FTO: variants seen among roughly 807,000 people sequenced by gnomAD.
FTO encodes alpha-ketoglutarate-dependent dioxygenase FTO.
In FTO, 47 loss-of-function variants were observed where a neutral mutation model predicts 63.9. That is an observed-to-expected ratio of 0.74 (90% CI 0.58 to 0.94). The LOEUF (loss-of-function observed/expected upper bound fraction) is 0.94. FTO is among the 40% of genes least tolerant of loss of function. The pLI, the probability that FTO is intolerant of heterozygous loss-of-function variation, is 0.00. For missense variants in FTO, 562 were observed against 618.1 expected (o/e 0.91, Z 0.96); for synonymous variants, 207 against 224.4 (o/e 0.92, Z 0.69).
chr16:54,032,922 T>A (rs2084864279), intron 8 of FTO, among the ~76,000 whole-genome samples: 1 of 152,124 alleles, frequency 6.6e-6, no homozygotes, highest in Non-Finnish European at 1.5e-5. Flanking sequence ...CGATCTCTCT[T>A]GTGCCTGCTC....
intron 5 of FTO, 150 bp from the exon 6 acceptor site, chr16:53,879,694 A>T: frequency 1.2e-5 from 4 of 347,200 alleles, no homozygotes; most frequent in East Asian, 2.2e-4. Flanking sequence ...TCAAAATTAA[A>T]AAAAAAAAAA....
chr16:53,882,943 T>C (rs2080877585), intron 6 of FTO, among the ~76,000 whole-genome samples: 1 of 152,194 alleles, frequency 6.6e-6, no homozygotes, highest in Admixed American at 6.5e-5. Flanking sequence ...CAAGTCTGAC[T>C]TGCTGCCCTT....
chr16:53,888,066 C>T (rs1400091064), intron 6 of FTO: 1 of 151,938 alleles, frequency 6.6e-6, no homozygotes, highest in African/African-American at 2.4e-5. Flanking sequence ...CATAGTACAG[C>T]CTGCTTTATA....
In FTO at chr16:53,810,175, G is replaced by A; in HGVS notation, c.81G>A (p.Trp27Ter). 6.2e-7 allele frequency: 1 copy of A among 1,611,742 alleles called. No individual in the cohort carries two copies. Among genetic ancestry groups the A allele is most frequent in the Non-Finnish European group, 8.5e-7 (1 of 1,178,498 alleles). Residue 27 changes from tryptophan (W) to a stop codon, truncating the protein, a stop_gained, in exon 2 of 9, where the codon TGG becomes TGA. Transcript: ENST00000471389. LOFTEE classifies it high-confidence loss of function. ...LRLLEELEDT[W>*]LPYLTPKDDE... ...TTCTTGAAGAGCTTGAAGACACTTG[G>A]CTCCCTTATCTGACCCCCAAAGATG...
chr16:53,997,051 T>A (rs1272808904), intron 8 of FTO, among the ~76,000 whole-genome samples: 1 of 151,002 alleles, frequency 6.6e-6, no homozygotes, highest in African/African-American at 2.4e-5. Context: ...AGACAGAGGT[T>A]GCAGTGAGCC....
intron 8 of FTO, among the ~76,000 whole-genome samples, chr16:54,020,672 C>T (rs1033423509): frequency 2.0e-5 from 3 of 152,146 alleles, no homozygotes; most frequent in East Asian, 3.9e-4. Flanking sequence ...TTATAATAGC[C>T]TTGAATTTTC....
intron 8 of FTO, among the ~76,000 whole-genome samples, chr16:54,000,795 G>A (rs1009291981): frequency 6.6e-6 from 1 of 152,312 alleles, no homozygotes; most frequent in East Asian, 1.9e-4. Flanking sequence ...TTGGTATAAT[G>A]TATGATGAAT....
chr16:53,839,343 C>T (rs747549194), intron 3 of FTO, among the ~76,000 whole-genome samples: 2 of 152,094 alleles, frequency 1.3e-5, no homozygotes, highest in Non-Finnish European at 2.9e-5. Flanking sequence ...GCCAAAATAA[C>T]ATGGGGCAAG....
chr16:53,982,318 G>A (rs957193466), intron 8 of FTO, among the ~76,000 whole-genome samples: 2 of 152,124 alleles, frequency 1.3e-5, no homozygotes, highest in Admixed American at 1.3e-4. Context: ...TTGTGACTAT[G>A]ATGTCCTAAA....
chr16:53,754,068 C>T (rs2076862037), intron 1 of FTO, among the ~76,000 whole-genome samples: 1 of 152,116 alleles, frequency 6.6e-6, no homozygotes, highest in South Asian at 2.1e-4. Flanking sequence ...CCACAGTTAG[C>T]CCTTTTATGA....
intron 4 of FTO, among the ~76,000 whole-genome samples, chr16:53,845,770 A>C (rs1202205379): frequency 6.6e-6 from 1 of 152,224 alleles, no homozygotes; most frequent in Admixed American, 6.5e-5. Flanking sequence ...AGAGGTGTTA[A>C]CTGTATAGTG....
intron 1 of FTO, among the ~76,000 whole-genome samples, chr16:53,727,007 C>G (rs2076170452): frequency 6.6e-6 from 1 of 152,230 alleles, no homozygotes; most frequent in African/African-American, 2.4e-5. Context: ...ATAAAAAAAT[C>G]AGAGTGCTGA....
intron 8 of FTO, among the ~76,000 whole-genome samples, chr16:53,962,147 C>G (rs1396516236): frequency 6.6e-6 from 1 of 152,084 alleles, no homozygotes; most frequent in Non-Finnish European, 1.5e-5. Context: ...ATCTCTGAGG[C>G]CTCTGTTTCT....
intron 2 of FTO, among the ~76,000 whole-genome samples, chr16:53,822,540 G>C (rs1193150816): frequency 6.6e-6 from 1 of 152,140 alleles, no homozygotes; most frequent in Non-Finnish European, 1.5e-5. Context: ...CGGTGTTACT[G>C]AATGTGCAGT....
At chr16:54,014,142 G>A (rs1440067092) in intron 8 of FTO, among the ~76,000 whole-genome samples, 1 of 152,162 alleles carries the variant, frequency 6.6e-6, no homozygotes. Context: ...TGGTGCTTTG[G>A]TTGAAGCTCT....
chr16:53,769,811 A>G (rs2077292310), intron 1 of FTO, among the ~76,000 whole-genome samples: 1 of 152,082 alleles, frequency 6.6e-6, no homozygotes, highest in Non-Finnish European at 1.5e-5. Context: ...GTGGTAGGAC[A>G]TTTTCCTCTC....
intron 1 of FTO, among the ~76,000 whole-genome samples, chr16:53,713,054 T>C (rs990946319): frequency 6.6e-6 from 1 of 152,098 alleles, no homozygotes; most frequent in Non-Finnish European, 1.5e-5. Flanking sequence ...AATGAATGAA[T>C]TCCCAAGAGC....
intron 7 of FTO, among the ~76,000 whole-genome samples, chr16:53,900,229 G>A (rs1340200005): frequency 1.3e-5 from 2 of 152,144 alleles, no homozygotes; most frequent in Non-Finnish European, 2.9e-5. Context: ...GTGAGAAAGA[G>A]TCTGGCTTTA....
At chr16:53,945,616 A>G (rs1181109335) in intron 8 of FTO, among the ~76,000 whole-genome samples, 3 of 152,180 alleles carry the variant, frequency 2.0e-5, no homozygotes, top group Non-Finnish European at 2.9e-5. Flanking sequence ...GTGCATCTCT[A>G]TAAGGAAATA....
Sources: allele counts gnomAD v4.1 joint callset (sites outside exome capture counted in the v4.1 genomes callset), GRCh38; gene constraint gnomAD v4.1.1; transcripts MANE v1.5; gene names NCBI Gene and HGNC (gene_info 2026-07-23, HGNC 2026-07-21).